Variants in GLIPR1L1 observed in about 807,000 individuals in gnomAD.
The protein encoded by GLIPR1L1 is GLIPR1 like 1, also known as GLIPR1-like protein 1.
A neutral mutation model predicts 29.9 loss-of-function variants in GLIPR1L1; 26 were observed. The ratio of observed to expected loss-of-function variants is 0.87; its 90% CI spans 0.64 to 1.21. The LOEUF is 1.21. Ranked by LOEUF, GLIPR1L1 falls within the 50% of genes most tolerant of loss-of-function variation. The probability of loss-of-function intolerance (pLI) is 0.00; values close to 1 mark genes in which losing one functional copy is unlikely to be tolerated. For synonymous variants in GLIPR1L1, 77 were observed against 97.5 expected (o/e 0.79, Z 1.24); for missense variants, 305 against 290.3 (o/e 1.05, Z -0.37).
chr12:75,351,735 C>G (rs1013751769), intron 3 of GLIPR1L1, among the ~76,000 whole-genome samples: 1 of 152,008 alleles, frequency 6.6e-6, no homozygotes, highest in African/African-American at 2.4e-5. Flanking sequence ...TTAGTACAGA[C>G]GGGGTTTTGC....
At chr12:75,359,355 GT>G (rs2043397064) in intron 3 of GLIPR1L1, among the ~76,000 whole-genome samples, 1 of 46,432 alleles carries the variant, frequency 2.2e-5, no homozygotes, top group Non-Finnish European at 4.2e-5. Flanking sequence ...CAGCATTGTT[GT>G]CTTTTTTTTT....
intron 3 of GLIPR1L1, among the ~76,000 whole-genome samples, chr12:75,356,105 C>A: frequency 6.6e-6 from 1 of 151,944 alleles, no homozygotes; most frequent in South Asian, 2.1e-4. Flanking sequence ...CACAAACCTG[C>A]CCATGCTGCA....
At chr12:75,347,026 C>T (rs1303481911) in intron 2 of GLIPR1L1, among the ~76,000 whole-genome samples, 1 of 151,444 alleles carries the variant, frequency 6.6e-6, no homozygotes, top group Non-Finnish European at 1.5e-5. Context: ...AACTAGTTTT[C>T]CATAGAAGTC....
intron 1 of GLIPR1L1, among the ~76,000 whole-genome samples, chr12:75,338,440 A>T (rs1009759971): frequency 6.6e-6 from 1 of 152,158 alleles, no homozygotes; most frequent in African/African-American, 2.4e-5. Flanking sequence ...AATGAGAAAA[A>T]TTATATGATC....
intron 3 of GLIPR1L1, among the ~76,000 whole-genome samples, chr12:75,349,908 A>T (rs1448972702): frequency 1.3e-5 from 2 of 152,252 alleles, no homozygotes; most frequent in Non-Finnish European, 2.9e-5. Flanking sequence ...GCTGCAATAC[A>T]ACTTTTAGTG....
intron 3 of GLIPR1L1, among the ~76,000 whole-genome samples, chr12:75,361,810 T>G (rs555706128): frequency 6.6e-6 from 1 of 152,150 alleles, no homozygotes; most frequent in African/African-American, 2.4e-5. Flanking sequence ...TCCCTAAACT[T>G]GGGGCTTACA....
chr12:75,363,394 C>T (rs1436534317), intron 4 of GLIPR1L1, among the ~76,000 whole-genome samples: 1 of 152,064 alleles, frequency 6.6e-6, no homozygotes, highest in Non-Finnish European at 1.5e-5. Flanking sequence ...CCCTCTGAAG[C>T]TAAAGAGCAG....
rs1465205503 is a variant in GLIPR1L1 at position 75,363,208 on chromosome 12, T to C, written c.610+18T>C. On this transcript the variant is annotated intron_variant, in intron 4 of 5. Transcript: ENST00000378695. ...CCTCTGCAGTAAGCAAAAATATATATATATAATTACATTTAGAGAGTAAAG... is the reference window on the plus strand; with the variant it reads ...CCTCTGCAGTAAGCAAAAATATATACATATAATTACATTTAGAGAGTAAAG... 6.9e-6 allele frequency: 8 copies of C among 1,164,382 alleles called. No homozygotes were observed. Among genetic ancestry groups the C allele is most frequent in the Admixed American group, 3.0e-5 (1 of 33,292 alleles). 72.1% of individuals were successfully genotyped at this position (1,164,382 alleles called of 1,614,324 possible).
At chr12:75,350,674 C>T (rs2042745936) in intron 3 of GLIPR1L1, among the ~76,000 whole-genome samples, 1 of 152,226 alleles carries the variant, frequency 6.6e-6, no homozygotes, top group African/African-American at 2.4e-5. Flanking sequence ...AAAAAGACCA[C>T]AAAAACCCCA....
At chr12:75,345,928 T>C (rs183211868) in intron 2 of GLIPR1L1, among the ~76,000 whole-genome samples, 1 of 152,172 alleles carries the variant, frequency 6.6e-6, no homozygotes, top group Admixed American at 6.5e-5. Context: ...ACACACAAGG[T>C]TAAGTAATTA....
At chr12:75,354,603 A>G (rs1051085195) in intron 3 of GLIPR1L1, among the ~76,000 whole-genome samples, 1 of 152,194 alleles carries the variant, frequency 6.6e-6, no homozygotes, top group South Asian at 2.1e-4. Context: ...ACTCATTGAC[A>G]TTCTTCACAG....
At position 75,343,914 on chromosome 12, in the gene GLIPR1L1, C is replaced by T. The variant is rs148217982; in HGVS notation, c.396C>T (p.Ser132=). 310 of 1,610,580 alleles carry T rather than the reference C, an allele frequency of 1.9e-4. No individual in the cohort carries two copies. The highest frequency in any genetic ancestry group is 1.9e-3 in the Middle Eastern group (11 of 5,882). The part of the protein sequence containing the change: ...QFYDFDSLSC[S]RVCGHYTQLV... ...ATGATTTTGATAGTCTATCATGCTCCAGAGTCTGTGGCCATTATACACAGG... is the reference window on the plus strand; with the variant it reads ...ATGATTTTGATAGTCTATCATGCTCTAGAGTCTGTGGCCATTATACACAGG... Residue 132 remains serine, a synonymous_variant, in exon 2 of 6, where the codon TCC becomes TCT. Coordinates refer to ENST00000378695, the MANE Select transcript of GLIPR1L1 (RefSeq NM_001304964.2).
chr12:75,334,872 C>A lies in GLIPR1L1; in HGVS notation c.144C>A (p.Val48=). The A allele has an allele frequency of 6.2e-7, 1 of 1,614,110 alleles. No homozygotes were observed. Among genetic ancestry groups the A allele is most frequent in the Non-Finnish European group, 8.5e-7 (1 of 1,179,980 alleles). The change falls in exon 1 of 6, where the codon GTC becomes GTA. Residue 48 remains valine, a synonymous_variant. Transcript: ENST00000378695. ...IEAHNEWRGK[V]NPPAADMKYM... is the part of the protein sequence containing the mutation. ...CCCACAACGAATGGCGTGGCAAAGT[C>A]AACCCTCCCGCGGCCGACATGAAAT...
intron 3 of GLIPR1L1, among the ~76,000 whole-genome samples, chr12:75,349,986 C>A (rs943496113): frequency 1.3e-5 from 2 of 152,234 alleles, no homozygotes; most frequent in Admixed American, 6.5e-5. Context: ...CCTAAGAAGA[C>A]CGGGTCCCGG....
At chr12:75,345,847 G>T (rs889417796) in intron 2 of GLIPR1L1, among the ~76,000 whole-genome samples, 22 of 152,144 alleles carry the variant, frequency 1.4e-4, no homozygotes, top group African/African-American at 5.3e-4. Context: ...AAAAAAGCTG[G>T]TTCTCAAATG....
chr12:75,350,129 C>T (rs1205783254), intron 3 of GLIPR1L1, among the ~76,000 whole-genome samples: 1 of 152,208 alleles, frequency 6.6e-6, no homozygotes, highest in African/African-American at 2.4e-5. Context: ...CAGTTTGTGG[C>T]CAGACTGCTT....
In GLIPR1L1 at chr12:75,369,020, T is replaced by C. The variant is rs182983650; in HGVS notation, c.611-940T>C. ...TTTGACTTGTACTTTTTCTCTTTTT[T>C]GTTGATCAATCTTTATCAGAAAATA... On this transcript the variant is annotated intron_variant, in intron 4 of 5. Transcript: ENST00000378695. Among the ~76,000 whole-genome samples, 6 of 152,068 alleles carry C rather than the reference T, an allele frequency of 3.9e-5. No individual in the cohort carries two copies. In the East Asian group the frequency reaches 1.2e-3, roughly 29 times the overall value.
chr12:75,348,742 C>G (rs896217652), intron 3 of GLIPR1L1, among the ~76,000 whole-genome samples: 5 of 152,142 alleles, frequency 3.3e-5, no homozygotes, highest in Admixed American at 3.3e-4. Flanking sequence ...TTATGTCACC[C>G]CTGGCCAAGT....
intron 3 of GLIPR1L1, among the ~76,000 whole-genome samples, chr12:75,348,037 A>G (rs1212855504): frequency 5.9e-5 from 9 of 152,186 alleles, no homozygotes; most frequent in African/African-American, 2.2e-4. Context: ...AGGCTGGCAG[A>G]TGCTTCTCTA....
Sources: allele counts gnomAD v4.1 joint callset (sites outside exome capture counted in the v4.1 genomes callset), GRCh38; gene constraint gnomAD v4.1.1; transcripts MANE v1.5; gene names NCBI Gene and HGNC (gene_info 2026-07-23, HGNC 2026-07-21).